CADM2: variants seen among roughly 807,000 people sequenced by gnomAD.
CADM2 encodes cell adhesion molecule 2.
Under a neutral mutation model 49.8 loss-of-function variants are expected in CADM2, and 12 were observed. The observed-to-expected ratio is 0.24, with a 90% confidence interval of 0.15 to 0.39. The LOEUF is 0.39. Ranked by LOEUF, CADM2 falls within the 10% of genes least tolerant of loss-of-function variation. The probability of loss-of-function intolerance (pLI) is 1.00; values close to 1 mark genes in which losing one functional copy is unlikely to be tolerated. For synonymous variants in CADM2, 214 were observed against 175.4 expected (o/e 1.22, Z -1.74); for missense variants, 378 against 492.3 (o/e 0.77, Z 2.20).
At chr3:85,618,627 T>C (rs944839084) in intron 1 of CADM2, among the ~76,000 whole-genome samples, 15 of 152,266 alleles carry the variant, frequency 9.9e-5, no homozygotes, top group African/African-American at 3.6e-4. Context: ...TTCTTTATCT[T>C]GATATGTATT....
At chr3:85,549,909 G>A (rs1485322907) in intron 1 of CADM2, among the ~76,000 whole-genome samples, 1 of 151,632 alleles carries the variant, frequency 6.6e-6, no homozygotes, top group Non-Finnish European at 1.5e-5. Flanking sequence ...TGGGATTACA[G>A]ACATGACTCA....
intron 1 of CADM2, among the ~76,000 whole-genome samples, chr3:85,292,756 A>C (rs1250078465): frequency 6.6e-6 from 1 of 152,212 alleles, no homozygotes; most frequent in Non-Finnish European, 1.5e-5. Flanking sequence ...ACAAAGACAC[A>C]ACATACCAGA....
intron 1 of CADM2, among the ~76,000 whole-genome samples, chr3:85,638,635 T>A (rs9880272): frequency 6.6e-6 from 1 of 151,960 alleles, no homozygotes; most frequent in Non-Finnish European, 1.5e-5. Context: ...ACTAAGGTTA[T>A]TTTTTTAAAT....
chr3:85,881,957 C>T (rs949804882), intron 3 of CADM2, among the ~76,000 whole-genome samples: 2 of 152,064 alleles, frequency 1.3e-5, no homozygotes, highest in Non-Finnish European at 2.9e-5. Flanking sequence ...TAAGAAGTGC[C>T]CCTGCTGATC....
chr3:85,559,117 T>C (rs1048398014), intron 1 of CADM2, among the ~76,000 whole-genome samples: 4 of 152,108 alleles, frequency 2.6e-5, no homozygotes, highest in Non-Finnish European at 5.9e-5. Flanking sequence ...AGTATTTTTG[T>C]GTTTTACTCT....
intron 8 of CADM2, among the ~76,000 whole-genome samples, chr3:86,056,356 C>G (rs2107359700): frequency 6.6e-6 from 1 of 152,310 alleles, no homozygotes; most frequent in South Asian, 2.1e-4. Context: ...AGGAAGAGAA[C>G]TATGCTAGAA....
intron 1 of CADM2, among the ~76,000 whole-genome samples, chr3:85,255,500 A>G (rs915751126): frequency 3.3e-5 from 5 of 151,988 alleles, no homozygotes; most frequent in East Asian, 1.9e-4. Flanking sequence ...CTTTGCAGCT[A>G]TATGATTTAG....
intron 8 of CADM2, among the ~76,000 whole-genome samples, chr3:86,055,942 A>G (rs1284215750): frequency 6.6e-6 from 1 of 152,202 alleles, no homozygotes; most frequent in African/African-American, 2.4e-5. Context: ...AAAAGAGACT[A>G]CTATTTTATG....
At chr3:85,107,566 CTCTT>C (rs1219396649) in intron 1 of CADM2, among the ~76,000 whole-genome samples, 4 of 123,640 alleles carry the variant, frequency 3.2e-5, no homozygotes, top group Admixed American at 7.6e-5. Context: ...TCTTTCTTCT[CTCTT>C]TCTCTCTTTC....
intron 1 of CADM2, among the ~76,000 whole-genome samples, chr3:85,447,685 G>C (rs902570448): frequency 1.4e-4 from 22 of 152,238 alleles, no homozygotes; most frequent in African/African-American, 5.1e-4. Context: ...GCTGTGACTA[G>C]GCAAATGACA....
At chr3:85,185,654 A>G (rs929864154) in intron 1 of CADM2, among the ~76,000 whole-genome samples, 2 of 152,132 alleles carry the variant, frequency 1.3e-5, no homozygotes, top group African/African-American at 4.8e-5. Flanking sequence ...CAAGATGAAA[A>G]GAGAACACAT....
intron 1 of CADM2, among the ~76,000 whole-genome samples, chr3:85,436,973 G>T (rs1460722329): frequency 2.0e-5 from 3 of 152,128 alleles, no homozygotes; most frequent in Admixed American, 1.3e-4. Flanking sequence ...AACATTTTCA[G>T]TCTTAAAAAT....
intron 1 of CADM2, among the ~76,000 whole-genome samples, chr3:85,295,423 C>T (rs1471100701): frequency 6.6e-6 from 1 of 152,162 alleles, no homozygotes; most frequent in East Asian, 1.9e-4. Context: ...CCATTTGACG[C>T]AGCCATCCCA....
chr3:85,236,366 G>T (rs2107825283), intron 1 of CADM2, among the ~76,000 whole-genome samples: 1 of 152,080 alleles, frequency 6.6e-6, no homozygotes, highest in South Asian at 2.1e-4. Context: ...GTCAATTCTA[G>T]CCATAACTAG....
At chr3:85,766,231 T>A (rs2069650086) in intron 2 of CADM2, among the ~76,000 whole-genome samples, 3 of 152,114 alleles carry the variant, frequency 2.0e-5, no homozygotes, top group African/African-American at 7.2e-5. Flanking sequence ...ATTCTCCATA[T>A]AACAAGGTGT....
intron 1 of CADM2, among the ~76,000 whole-genome samples, chr3:85,267,186 ATTATC>A (rs779269968): frequency 6.6e-6 from 1 of 151,740 alleles, no homozygotes; most frequent in Non-Finnish European, 1.5e-5. Flanking sequence ...AGGATTTTTA[ATTATC>A]TTATCACTCT....
At chr3:85,408,028 A>AAAG (rs1327115412) in intron 1 of CADM2, among the ~76,000 whole-genome samples, 2 of 150,358 alleles carry the variant, frequency 1.3e-5, no homozygotes, top group Non-Finnish European at 3.0e-5. Context: ...AAAAAAAAAA[A>AAAG]AAGAAGAAGA....
intron 1 of CADM2, among the ~76,000 whole-genome samples, chr3:85,182,059 C>T (rs2040948501): frequency 6.6e-6 from 1 of 151,416 alleles, no homozygotes; most frequent in African/African-American, 2.4e-5. Flanking sequence ...ATTCCTAGGA[C>T]ATTAAAGTTA....
At chr3:85,985,781 T>TAA (rs113545100) in intron 8 of CADM2, among the ~76,000 whole-genome samples, 1 of 151,050 alleles carries the variant, frequency 6.6e-6, no homozygotes, top group African/African-American at 2.4e-5. Context: ...TAGTGACTTG[T>TAA]AAAAAAAAAT....
Sources: allele counts gnomAD v4.1 joint callset (sites outside exome capture counted in the v4.1 genomes callset), GRCh38; gene constraint gnomAD v4.1.1; transcripts MANE v1.5; gene names NCBI Gene and HGNC (gene_info 2026-07-23, HGNC 2026-07-21).